The following SLC38A10 variants were observed in gnomAD, a reference collection of about 807,000 sequenced individuals.
SLC38A10 encodes Sodium-coupled neutral amino acid transporter 10.
A neutral mutation model predicts 81.0 loss-of-function variants in SLC38A10; 53 were observed. The ratio of observed to expected loss-of-function variants is 0.65; its 90% CI spans 0.53 to 0.82. SLC38A10 has a LOEUF of 0.82. Among genes scored for constraint, SLC38A10 ranks in the 40% least tolerant of loss-of-function variants. The pLI is 0.00. For synonymous variants in SLC38A10, 665 were observed against 655.3 expected, an observed-to-expected ratio of 1.01 and a Z score of -0.23; for missense variants, 1,471 against 1,545.0, an observed-to-expected ratio of 0.95 and a Z score of 0.80.
Position 81,272,445 on chromosome 17 carries a change from T to C in SLC38A10, c.1024+71A>G, listed in dbSNP as rs1047596975. The C allele has an allele frequency of 1.1e-5, 10 of 927,400 alleles. No individual in the cohort carries two copies. The African/African-American group carries it at 1.6e-4, about 15-fold the overall frequency. 57.4% of individuals were successfully genotyped at this position (927,400 alleles called of 1,614,324 possible). On this transcript the variant is annotated intron_variant, in intron 9 of 15. Coordinates refer to ENST00000374759, the MANE Select transcript of SLC38A10 (RefSeq NM_001037984.3). ...ATGGTCTCTGTGCAGGTCTCGTAAC[T>C]GTGCAGGTCTTGGTTGATGCCGAAG...
At chr17:81,292,063 A>T (rs1193667766) in intron 1 of SLC38A10, among the ~76,000 whole-genome samples, 1 of 152,102 alleles carries the variant, frequency 6.6e-6, no homozygotes. Flanking sequence ...GTCAAACTTC[A>T]ATGTTTATTA....
At chr17:81,251,813 G>A in intron 13 of SLC38A10, 1 of 584,568 alleles carries the variant, frequency 1.7e-6, no homozygotes. Context: ...ATAGGCTTGT[G>A]GCAATGAGCC....
At position 81,281,861 on chromosome 17, in the gene SLC38A10, A is replaced by G. The variant is rs1375156369; in HGVS notation, c.501+328T>C. On this transcript the variant is annotated intron_variant, in intron 5 of 15. Transcript: ENST00000374759. This position sits in a 1 kb window ranked among gnomAD's most constrained non-coding sequence, Gnocchi z 5.3. Reference sequence around the variant, plus strand: ...CGTGAGCCTTGGTCACAAACCCTACATAAGACATCTTTGCATAAAGCAAGT... The same window carrying G: ...CGTGAGCCTTGGTCACAAACCCTACGTAAGACATCTTTGCATAAAGCAAGT... 6.6e-6 allele frequency among the ~76,000 whole-genome samples: 1 copy of G among 152,190 alleles called. No homozygotes were observed. Among genetic ancestry groups the G allele is most frequent in the Non-Finnish European group, 1.5e-5 (1 of 68,020 alleles).
rs778327560 is a variant in SLC38A10 at position 81,251,526 on chromosome 17, C to T, written c.2032G>A (p.Ala678Thr). 6.3e-7 allele frequency: 1 copy of T among 1,596,724 alleles called. No individual in the cohort carries two copies. Among genetic ancestry groups the T allele is most frequent in the Non-Finnish European group, 8.5e-7 (1 of 1,174,898 alleles). ...TGGCTGGCCGCCTGGTTTCCACCCG[C>T]TCGCTCCACGTCCCTCTGCTCGCGA... ...EPREQRDVERAGGNQAASQLE... is the reference protein window; with the variant it reads ...EPREQRDVERTGGNQAASQLE... Residue 678 changes from alanine (A) to threonine (T), a missense_variant, in exon 14 of 16, where the codon GCG becomes ACG. Physicochemically the swap from Ala to Thr is moderately conservative, Grantham distance 58. This residue lies in a region of SLC38A10 where 751 missense variants were observed against 717.4 expected (regional missense o/e 1.05). Transcript: ENST00000374759.
rs757340194 is a variant in SLC38A10, at chr17:81,282,246, G to A, written c.444C>T (p.Ala148=). The change falls in exon 5 of 16, where the codon GCC becomes GCT. Residue 148 remains alanine, a synonymous_variant. Coordinates refer to ENST00000374759, the MANE Select transcript of SLC38A10 (RefSeq NM_001037984.3). ...CCATGGCGCTGAAGGACTGGATGGA[G>A]GCCATCATGTTCCGCTGCAGGCTGA... ...LPLSLQRNMM[A]SIQSFSAMAL... 8 of 1,613,704 alleles carry A rather than the reference G, an allele frequency of 5.0e-6. No homozygotes were observed. The highest frequency in any genetic ancestry group is 3.3e-5 in the Admixed American group (2 of 60,026).
chr17:81,293,715 A>G (rs375246597), intron 1 of SLC38A10, among the ~76,000 whole-genome samples: 1 of 152,174 alleles, frequency 6.6e-6, no homozygotes, highest in Non-Finnish European at 1.5e-5. Context: ...TTTTTATTCC[A>G]AAGATAATGA....
chr17:81,253,524 G>A lies in SLC38A10; in HGVS notation c.1289-284C>T, dbSNP rs527836061. 1.3e-4 allele frequency among the ~76,000 whole-genome samples: 20 copies of A among 151,954 alleles called. No individual in the cohort carries two copies. The South Asian group carries it at 4.0e-3, about 30-fold the overall frequency. ...CACCAGATGGCGGCACGAGCCCACC[G>A]ACCCACTCTCCCACAGTCCCCTCCA... On this transcript the variant is annotated intron_variant, in intron 11 of 15. Transcript: ENST00000374759. This position sits in a 1 kb window ranked among gnomAD's most constrained non-coding sequence, Gnocchi z 4.1.
chr17:81,282,409 G>A (rs1384533163), intron 4 of SLC38A10, 77 bp from the exon 5 acceptor site: 6 of 1,528,234 alleles, frequency 3.9e-6, no homozygotes, highest in Non-Finnish European at 5.3e-6. Context: ...GACAGGGAGT[G>A]GGAGCGCCCC....
chr17:81,248,442 C>G (rs1302345970), intron 14 of SLC38A10, among the ~76,000 whole-genome samples: 2 of 152,242 alleles, frequency 1.3e-5, no homozygotes, highest in Non-Finnish European at 2.9e-5. Context: ...GACAGGCCTG[C>G]CCGGGTTACG....
At position 81,246,610 on chromosome 17, in the gene SLC38A10, G is replaced by A. The variant is rs200869706; in HGVS notation, c.2306C>T (p.Ala769Val). 3.4e-5 allele frequency: 51 copies of A among 1,516,244 alleles called. No homozygotes were observed. The African/African-American group carries it at 6.7e-4, about 20-fold the overall frequency. The allele number at this position is 1,516,244 out of a possible 1,614,324, so 93.9% of individuals were successfully genotyped here. A position where few individuals can be genotyped will look rare whatever the true frequency, so the allele number is the denominator to read the frequency against. The stretch of plus-strand genomic sequence containing the variant: ...AGGCAGATTCTCCACCGTCTCCCTG[G>A]CCTTGCCTTCAGGGGCCTCCTGGCC... ...PRGQEAPEGKARETVENLPPL... is the reference protein window; with the variant it reads ...PRGQEAPEGKVRETVENLPPL... Residue 769 changes from alanine (A) to valine (V), a missense_variant, in exon 16 of 16, where the codon GCC becomes GTC. Physicochemically the swap from Ala to Val is moderately conservative, Grantham distance 64. Coordinates refer to ENST00000374759, the MANE Select transcript of SLC38A10 (RefSeq NM_001037984.3).
chr17:81,289,597 C>A lies in SLC38A10; in HGVS notation c.217+94G>T, dbSNP rs75982513. 1 of 854,758 alleles carries A rather than the reference C, an allele frequency of 1.2e-6. No homozygotes were observed. Among genetic ancestry groups the A allele is most frequent in the East Asian group, 3.1e-5 (1 of 31,752 alleles). 52.9% of individuals were successfully genotyped at this position (854,758 alleles called of 1,614,324 possible). ...AAAAAACCCTGCTATCCAAGGAATT[C>A]TTGAAGAATCAAGTAGAGTAAATAA... is the stretch of plus-strand genomic sequence containing the variant. On this transcript the variant is annotated intron_variant, in intron 2 of 15. Coordinates refer to ENST00000374759, the MANE Select transcript of SLC38A10 (RefSeq NM_001037984.3). The surrounding 1 kb of genome is among the most constrained non-coding windows in gnomAD (Gnocchi z 5.9).
At position 81,279,268 on chromosome 17, in the gene SLC38A10, G is replaced by A. The variant is rs2063187647; in HGVS notation, c.626+1341C>T. On this transcript the variant is annotated intron_variant, in intron 6 of 15. Coordinates refer to ENST00000374759, the MANE Select transcript of SLC38A10 (RefSeq NM_001037984.3). Reference sequence around the variant, plus strand: ...TAGGACAACCATTCTGCATAACCAGGTATGCATTTACCAAAAACGGCCAGA... The same window carrying A: ...TAGGACAACCATTCTGCATAACCAGATATGCATTTACCAAAAACGGCCAGA... Among the ~76,000 whole-genome samples, 6 of 152,316 alleles carry A rather than the reference G, an allele frequency of 3.9e-5. No homozygotes were observed. In the South Asian group the frequency reaches 1.2e-3, roughly 32 times the overall value.
chr17:81,255,855 C>T (rs1347378745), intron 11 of SLC38A10, among the ~76,000 whole-genome samples: 3 of 152,290 alleles, frequency 2.0e-5, no homozygotes, highest in South Asian at 2.1e-4. Flanking sequence ...TGTGGTGCCG[C>T]GCCTGTATTC....
At chr17:81,249,529 A>AGAAGAGGAGGGAGAAGGAGGGAGGAG (rs1567922777) in intron 14 of SLC38A10, among the ~76,000 whole-genome samples, 61 of 40,570 alleles carry the variant, frequency 1.5e-3, no homozygotes, top group African/African-American at 4.0e-3. Context: ...GGAGGGAGGA[A>AGAAGAGGAGGGAGAAGGAGGGAGGAG]GGAAGAGGAA....
At chr17:81,280,262 T>C in intron 6 of SLC38A10, 1 of 445,188 alleles carries the variant, frequency 2.2e-6, no homozygotes, top group Non-Finnish European at 4.4e-6. Context: ...TTTTAAATAT[T>C]CTCAGAACAG....
chr17:81,260,132 C>T (rs1449244158), intron 11 of SLC38A10, 106 bp downstream of exon 11: 7 of 1,392,714 alleles, frequency 5.0e-6, no homozygotes, highest in Non-Finnish European at 6.7e-6. Context: ...TGCACCCACA[C>T]AGGACAGAGG....
At chr17:81,284,751 C>T in intron 3 of SLC38A10, 99 bp downstream of exon 3, 1 of 927,276 alleles carries the variant, frequency 1.1e-6, no homozygotes. Context: ...ACCTAAGTTA[C>T]AGGTGAATCT....
intron 10 of SLC38A10, among the ~76,000 whole-genome samples, chr17:81,267,403 T>C (rs991322071): frequency 2.0e-5 from 3 of 152,142 alleles, no homozygotes; most frequent in Non-Finnish European, 2.9e-5. Flanking sequence ...ACTATGGCCC[T>C]CCCCCTCCTT....
chr17:81,274,662 T>C (rs566120300), intron 8 of SLC38A10, among the ~76,000 whole-genome samples: 2 of 152,234 alleles, frequency 1.3e-5, no homozygotes, highest in South Asian at 4.1e-4. Context: ...TGCACCCCCA[T>C]GCTCGGAGCG....
Sources: allele counts gnomAD v4.1 joint callset (sites outside exome capture counted in the v4.1 genomes callset), GRCh38; gene constraint gnomAD v4.1.1; regional missense constraint gnomAD v4.1.1; non-coding constraint Gnocchi (gnomAD v3.1); transcripts MANE v1.5; gene names NCBI Gene and HGNC (gene_info 2026-07-23, HGNC 2026-07-21).